The following CENPP variants were observed in gnomAD, a reference collection of about 807,000 sequenced individuals.
CENPP encodes centromere protein P.
CENPP carries 24 observed loss-of-function variants against 35.6 expected under a neutral mutation model. The ratio of observed to expected loss-of-function variants is 0.67; its 90% CI spans 0.49 to 0.95. The LOEUF is 0.95. Among genes scored for constraint, CENPP ranks in the 40% least tolerant of loss-of-function variants. CENPP has a pLI of 0.00. For synonymous variants in CENPP, 120 were observed against 125.5 expected, an observed-to-expected ratio of 0.96 and a Z score of 0.29; for missense variants, 332 against 345.3, an observed-to-expected ratio of 0.96 and a Z score of 0.31.
chr9:92,509,074 G>C (rs1847180920), intron 5 of CENPP, among the ~76,000 whole-genome samples: 1 of 151,658 alleles, frequency 6.6e-6, no homozygotes, highest in Non-Finnish European at 1.5e-5. Context: ...GACAACTTCA[G>C]CTGTCTAGCA....
At chr9:92,392,549 A>T (rs946499044) in intron 5 of CENPP, among the ~76,000 whole-genome samples, 4 of 151,152 alleles carry the variant, frequency 2.6e-5, no homozygotes, top group Admixed American at 6.6e-5. Flanking sequence ...TGGGAGACAG[A>T]GGTTGCAGTG....
intron 5 of CENPP, among the ~76,000 whole-genome samples, chr9:92,525,626 C>T (rs1588231547): frequency 6.6e-6 from 1 of 152,098 alleles, no homozygotes; most frequent in Admixed American, 6.5e-5. Flanking sequence ...CGCGGTGGCT[C>T]AAGCCTATAA....
intron 5 of CENPP, among the ~76,000 whole-genome samples, chr9:92,504,663 C>A (rs1262952526): frequency 6.6e-6 from 1 of 152,068 alleles, no homozygotes; most frequent in Admixed American, 6.6e-5. Context: ...GCCTCCTGAG[C>A]AGCTACGACT....
At chr9:92,475,028 T>C in intron 5 of CENPP, 1 of 1,208,250 alleles carries the variant, frequency 8.3e-7, no homozygotes, top group East Asian at 3.0e-5. Flanking sequence ...TTTAATCCAT[T>C]GCTTAGCTAA....
chr9:92,379,844 G>A lies in CENPP; in HGVS notation c.549G>A (p.Thr183=), dbSNP rs1189647385. Reference sequence around the variant, plus strand: ...AGTGGTTTGAATATCGTAAGCGCACGTTTAAACATCTCAAGGTAAAGTCTG... The same window carrying A: ...AGTGGTTTGAATATCGTAAGCGCACATTTAAACATCTCAAGGTAAAGTCTG... The part of the protein sequence containing the change: ...FVEWFEYRKR[T]FKHLKEKYPD... The change falls in exon 5 of 8, where the codon ACG becomes ACA. Residue 183 remains threonine (T), a synonymous_variant. Transcript: ENST00000375587. The A allele has an allele frequency of 3.7e-6, 6 of 1,608,118 alleles. No individual in the cohort carries two copies. The highest frequency in any genetic ancestry group is 1.7e-5 in the Admixed American group (1 of 59,974).
At chr9:92,401,730 T>C (rs1359880750) in intron 5 of CENPP, among the ~76,000 whole-genome samples, 2 of 152,176 alleles carry the variant, frequency 1.3e-5, no homozygotes, top group African/African-American at 4.8e-5. Flanking sequence ...CCAGCTTACC[T>C]TACCTACCCT....
intron 5 of CENPP, among the ~76,000 whole-genome samples, chr9:92,441,803 T>G (rs1844397082): frequency 6.6e-6 from 1 of 152,142 alleles, no homozygotes; most frequent in Non-Finnish European, 1.5e-5. Context: ...TATCAACTTA[T>G]GACATCTGTG....
At chr9:92,578,144 G>C (rs1333763074) in intron 5 of CENPP, among the ~76,000 whole-genome samples, 1 of 151,828 alleles carries the variant, frequency 6.6e-6, no homozygotes, top group Non-Finnish European at 1.5e-5. Context: ...ATTTTTTATG[G>C]CTGCATAGTA....
chr9:92,356,609 A>G (rs1306875992), intron 4 of CENPP, among the ~76,000 whole-genome samples: 4 of 152,240 alleles, frequency 2.6e-5, no homozygotes, highest in Non-Finnish European at 5.9e-5. Flanking sequence ...AGAAATTATA[A>G]AAGTATTATT....
chr9:92,584,916 G>C (rs1850506673), intron 5 of CENPP, among the ~76,000 whole-genome samples: 1 of 152,136 alleles, frequency 6.6e-6, no homozygotes, highest in South Asian at 2.1e-4. Context: ...TGTTTGTCAA[G>C]CACCTATTAT....
At chr9:92,445,880 T>C (rs1351973278) in intron 5 of CENPP, among the ~76,000 whole-genome samples, 2 of 145,534 alleles carry the variant, frequency 1.4e-5, no homozygotes, top group Non-Finnish European at 3.0e-5. Context: ...AGATAATGTC[T>C]CAAAAAAAAA....
intron 5 of CENPP, among the ~76,000 whole-genome samples, chr9:92,591,001 T>G (rs1850650372): frequency 6.6e-6 from 1 of 152,196 alleles, no homozygotes; most frequent in Admixed American, 6.5e-5. Flanking sequence ...GAGTCAACAT[T>G]AAAGTCTTTA....
chr9:92,333,586 A>G (rs1840824572), intron 2 of CENPP, among the ~76,000 whole-genome samples: 1 of 152,222 alleles, frequency 6.6e-6, no homozygotes, highest in African/African-American at 2.4e-5. Flanking sequence ...GAAATTATGA[A>G]GAAGAAATAT....
chr9:92,334,997 G>A (rs1186896964), intron 2 of CENPP, among the ~76,000 whole-genome samples: 13 of 151,734 alleles, frequency 8.6e-5, no homozygotes, highest in Admixed American at 2.0e-4. Context: ...GACCAGCCTG[G>A]CCAACATGGT....
At chr9:92,612,671 C>T (rs909360876) in intron 7 of CENPP, 57 bp downstream of exon 7, 3 of 1,278,038 alleles carry the variant, frequency 2.3e-6, no homozygotes, top group Admixed American at 3.4e-5. Context: ...AGCAAAGCCG[C>T]CTGCCTGTTT....
rs191276149 is a variant in CENPP at position 92,601,639 on chromosome 9, G to A, written c.565-9675G>A. 1.9e-3 allele frequency among the ~76,000 whole-genome samples: 296 copies of A among 152,324 alleles called. 1 individual carries two copies. The highest frequency in any genetic ancestry group is 3.3e-3 in the Non-Finnish European group (222 of 68,030). On this transcript the variant is annotated intron_variant, in intron 5 of 7. Transcript: ENST00000375587. ...GTCTCAGTGTCAGATAAATGACTGC[G>A]TTGTGTCAGCTCCATGTCACGCTCC...
At chr9:92,453,014 G>T (rs1013167951) in intron 5 of CENPP, among the ~76,000 whole-genome samples, 5 of 151,736 alleles carry the variant, frequency 3.3e-5, no homozygotes, top group South Asian at 4.2e-4. Context: ...GTCTTGCTAG[G>T]GGTCTATCAA....
chr9:92,533,916 A>G (rs1403253731), intron 5 of CENPP, among the ~76,000 whole-genome samples: 1 of 152,078 alleles, frequency 6.6e-6, no homozygotes, highest in Admixed American at 6.5e-5. Flanking sequence ...TTCTTTCTAT[A>G]GAAATTTTTT....
chr9:92,401,178 T>A, intron 5 of CENPP: 1 of 1,457,998 alleles, frequency 6.9e-7, no homozygotes, highest in Non-Finnish European at 9.6e-7. Context: ...TATCACAGTT[T>A]CTTTTTCCTA....
Sources: allele counts gnomAD v4.1 joint callset (sites outside exome capture counted in the v4.1 genomes callset), GRCh38; gene constraint gnomAD v4.1.1; transcripts MANE v1.5; gene names NCBI Gene and HGNC (gene_info 2026-07-23, HGNC 2026-07-21).